Variants in MITF observed in about 807,000 individuals in gnomAD.
MITF encodes melanocyte inducing transcription factor.
In MITF, 17 loss-of-function variants were observed where a neutral mutation model predicts 60.5. The observed-to-expected ratio is 0.28, with a 90% CI of 0.19 to 0.42. The LOEUF is 0.42. Ranked by LOEUF, MITF falls within the 10% of genes least tolerant of loss-of-function variation. The pLI, the probability that MITF is intolerant of heterozygous loss-of-function variation, is 1.00. For synonymous variants in MITF, 260 were observed against 248.5 expected (o/e 1.05, Z -0.43); for missense variants, 622 against 683.5 (o/e 0.91, Z 1.00).
intron 1 of MITF, among the ~76,000 whole-genome samples, chr3:69,777,939 G>A (rs553076160): frequency 9.7e-4 from 148 of 152,226 alleles, no homozygotes; most frequent in African/African-American, 3.5e-3. Flanking sequence ...CATTCTATTC[G>A]TGTTACTGAA....
At chr3:69,959,144 G>C in intron 8 of MITF, 129 bp from the exon 9 acceptor site, 3 of 1,117,970 alleles carry the variant, frequency 2.7e-6, no homozygotes, top group Non-Finnish European at 3.8e-6. Flanking sequence ...AGCACCACCT[G>C]TTCCCCCAAA....
At chr3:69,874,960 C>G (rs964536210) in intron 1 of MITF, among the ~76,000 whole-genome samples, 3 of 152,196 alleles carry the variant, frequency 2.0e-5, no homozygotes, top group Non-Finnish European at 4.4e-5. Context: ...AATGTAAATT[C>G]TGCCATAGAG....
chr3:69,885,031 A>G (rs1215880143), intron 2 of MITF, among the ~76,000 whole-genome samples: 3 of 152,096 alleles, frequency 2.0e-5, no homozygotes, highest in East Asian at 3.9e-4. Context: ...TATGACCACA[A>G]GGGCATTTTC....
At chr3:69,781,696 G>A (rs949427148) in intron 1 of MITF, among the ~76,000 whole-genome samples, 1 of 152,120 alleles carries the variant, frequency 6.6e-6, no homozygotes, top group African/African-American at 2.4e-5. Flanking sequence ...ATAAGAAAAG[G>A]GTGAAAGCTC....
At chr3:69,758,305 G>T (rs1169185954) in intron 1 of MITF, among the ~76,000 whole-genome samples, 1 of 151,698 alleles carries the variant, frequency 6.6e-6, no homozygotes, top group Non-Finnish European at 1.5e-5. Context: ...AGGTAGCTGG[G>T]ACTACAGGTG....
intron 1 of MITF, among the ~76,000 whole-genome samples, chr3:69,820,635 A>T (rs2063254540): frequency 6.6e-6 from 1 of 152,116 alleles, no homozygotes; most frequent in African/African-American, 2.4e-5. Flanking sequence ...AACCTAGGGG[A>T]TGTGATAGAA....
intron 1 of MITF, chr3:69,763,673 A>G (rs956373081): frequency 9.5e-6 from 12 of 1,268,526 alleles, no homozygotes; most frequent in Non-Finnish European, 1.0e-5. Context: ...ATGTTCCGCC[A>G]AAGGGCCAAG....
At chr3:69,879,065 A>G (rs771390088) in intron 1 of MITF, 69 bp from the exon 2 acceptor site, 3 of 1,269,344 alleles carry the variant, frequency 2.4e-6, no homozygotes, top group Admixed American at 1.7e-5. Context: ...AATTTAGGAT[A>G]CCCCCAAAGT....
At chr3:69,944,266 C>T (rs1240328331) in intron 5 of MITF, among the ~76,000 whole-genome samples, 1 of 152,128 alleles carries the variant, frequency 6.6e-6, no homozygotes, top group Non-Finnish European at 1.5e-5. Flanking sequence ...AGGCAAGGTG[C>T]TGTGGATGCG....
intron 1 of MITF, among the ~76,000 whole-genome samples, chr3:69,839,109 A>G (rs534514793): frequency 2.6e-5 from 4 of 152,076 alleles, no homozygotes; most frequent in South Asian, 4.2e-4. Flanking sequence ...TCATTTTTGT[A>G]CTGAAACAAT....
chr3:69,901,569 T>C (rs1024538612), intron 2 of MITF, among the ~76,000 whole-genome samples: 3 of 152,132 alleles, frequency 2.0e-5, no homozygotes, highest in Admixed American at 6.6e-5. Context: ...TCTGAGCCCA[T>C]GGAAGTTTCC....
chr3:69,832,537 C>T (rs978983018), intron 1 of MITF, among the ~76,000 whole-genome samples: 4 of 152,238 alleles, frequency 2.6e-5, no homozygotes, highest in Admixed American at 2.6e-4. Flanking sequence ...TCATGCTTTC[C>T]CTTTGTATTT....
chr3:69,751,851 T>C (rs1377209445), intron 1 of MITF, among the ~76,000 whole-genome samples: 2 of 152,078 alleles, frequency 1.3e-5, no homozygotes, highest in African/African-American at 4.8e-5. Flanking sequence ...GGGAGGTGAT[T>C]GGGTCATGGA....
chr3:69,965,022 ATGG>A lies in MITF; in HGVS notation c.1356_1358del (p.Gly453del). The A allele has an allele frequency of 6.2e-7, 1 of 1,614,100 alleles. No homozygotes were observed. On this transcript the variant is annotated inframe_deletion, in exon 10 of 10. Coordinates refer to ENST00000352241, the MANE Select transcript of MITF (RefSeq NM_001354604.2). ...TGTACAACAACTCTCGATCTCACGG[ATGG>A]CACCATCACCTTCAACAACAACCTC... is the stretch of plus-strand genomic sequence containing the variant.
rs544103712 is a variant in MITF at position 69,903,273 on chromosome 3, T to A, written c.354+23890T>A. 3.3e-5 allele frequency among the ~76,000 whole-genome samples: 5 copies of A among 152,334 alleles called. No homozygotes were observed. In the South Asian group the frequency reaches 1.0e-3, roughly 32 times the overall value. On this transcript the variant is annotated intron_variant, in intron 2 of 9. Transcript: ENST00000352241. ...GTCCTAGAATATAGGAATGGCCTTG[T>A]AATCTGTATTTTTATAAAATCTCCC...
chr3:69,896,543 A>G lies in MITF; in HGVS notation c.354+17160A>G, dbSNP rs111490776. 7.6e-3 allele frequency among the ~76,000 whole-genome samples: 1,159 copies of G among 152,322 alleles called. 9 individuals are homozygous for G. Among genetic ancestry groups the G allele is most frequent in the African/African-American group, 0.026 (1,086 of 41,572 alleles). Reference sequence around the variant, plus strand: ...AATCCAGTAGAAATTTAACCAGCTGATGCTGAATTAGGGTTTACTGATTGT... The same window carrying G: ...AATCCAGTAGAAATTTAACCAGCTGGTGCTGAATTAGGGTTTACTGATTGT... On this transcript the variant is annotated intron_variant, in intron 2 of 9. Coordinates refer to ENST00000352241, the MANE Select transcript of MITF (RefSeq NM_001354604.2).
rs571846431 is a variant in MITF at position 69,966,688 on chromosome 3, A to G, written c.*1440A>G. 2.1e-4 allele frequency: 48 copies of G among 233,064 alleles called. No homozygotes were observed. The South Asian group carries it at 4.0e-3, about 19-fold the overall frequency. The allele number at this position is 233,064 out of a possible 1,614,324, so 14.4% of individuals were successfully genotyped here. A position where few individuals can be genotyped will look rare whatever the true frequency, so the allele number is the denominator to read the frequency against. On this transcript the variant is annotated 3_prime_UTR_variant, in exon 10 of 10. Coordinates refer to ENST00000352241, the MANE Select transcript of MITF (RefSeq NM_001354604.2). ...TTATCTACTTGTGTAGTCCTATGCA[A>G]TAACAGTAGTGTTACATGTATCAAG... is the stretch of plus-strand genomic sequence containing the variant.
chr3:69,740,905 G>C (rs1703504478), intron 1 of MITF, among the ~76,000 whole-genome samples: 1 of 152,158 alleles, frequency 6.6e-6, no homozygotes, highest in Admixed American at 6.5e-5. Context: ...GGAGCCAAGT[G>C]GTGTAATCTT....
Position 69,951,797 on chromosome 3 carries a change from C to T in MITF, c.881-15C>T, listed in dbSNP as rs2066262757. 8 of 1,609,278 alleles carry T rather than the reference C, an allele frequency of 5.0e-6. No homozygotes were observed. The highest frequency in any genetic ancestry group is 6.8e-6 in the Non-Finnish European group (8 of 1,175,908). The stretch of plus-strand genomic sequence containing the variant: ...AAACAGTTCCAACTTCTAATGACTT[C>T]ATTCACGTGCACAGCGTGTATTTTT... On this transcript the variant is annotated splice_polypyrimidine_tract_variant and intron_variant, in intron 6 of 9. Transcript: ENST00000352241.
Sources: allele counts gnomAD v4.1 joint callset (sites outside exome capture counted in the v4.1 genomes callset), GRCh38; gene constraint gnomAD v4.1.1; transcripts MANE v1.5; gene names NCBI Gene and HGNC (gene_info 2026-07-23, HGNC 2026-07-21).